The following JAKMIP3 variants were observed in gnomAD, a reference collection of about 807,000 sequenced individuals.
The protein encoded by JAKMIP3 is Janus kinase and microtubule interacting protein 3, also known as janus kinase and microtubule-interacting protein 3.
In JAKMIP3, 58 loss-of-function variants were observed where a neutral mutation model predicts 118.5. The ratio of observed to expected loss-of-function variants is 0.49; its 90% confidence interval spans 0.40 to 0.61. The LOEUF is 0.61. Among genes scored for constraint, JAKMIP3 ranks in the 20% least tolerant of loss-of-function variants. JAKMIP3 has a pLI of 0.00. For missense variants in JAKMIP3, 950 were observed against 1,109.0 expected (o/e 0.86, Z 2.04); for synonymous variants, 486 against 451.2 (o/e 1.08, Z -0.98).
At chr10:132,063,181 C>T (rs578167550), upstream of JAKMIP3, among the ~76,000 whole-genome samples, 11 of 152,240 alleles carry the variant, frequency 7.2e-5, no homozygotes, top group South Asian at 1.5e-3. Context: ...AAGCCAGGGA[C>T]GGGCTGTGGG....
At chr10:132,176,899 G>A (rs898179986) in intron 23 of JAKMIP3, among the ~76,000 whole-genome samples, 6 of 151,994 alleles carry the variant, frequency 3.9e-5, no homozygotes, top group Admixed American at 6.6e-5. Context: ...TGGAATCTTC[G>A]ACTTTGGGAG....
chr10:132,145,235 G>T, intron 12 of JAKMIP3, 45 bp downstream of exon 12: 1 of 1,478,140 alleles, frequency 6.8e-7, no homozygotes, highest in South Asian at 1.2e-5. Context: ...ACACGTGGGT[G>T]GGAGGTATTT....
chr10:132,133,757 A>G (rs1322206947), intron 4 of JAKMIP3, among the ~76,000 whole-genome samples: 2 of 152,180 alleles, frequency 1.3e-5, no homozygotes, highest in African/African-American at 4.8e-5. Context: ...ACATAGCATC[A>G]GCTCTGGCCC....
chr10:132,168,489 C>T lies in JAKMIP3; in HGVS notation c.*559C>T. On this transcript the variant is annotated 3_prime_UTR_variant, in exon 23 of 24. Coordinates refer to ENST00000684848, the MANE Select transcript of JAKMIP3 (RefSeq NM_001323087.2). The stretch of plus-strand genomic sequence containing the variant: ...GGGCTCCCCGACGCCTCAGGGGCCC[C>T]TCCGATGCTGCAATATGTTGCTGGG... 7 of 915,754 alleles carry T rather than the reference C, an allele frequency of 7.6e-6. No homozygotes were observed. The highest frequency in any genetic ancestry group is 1.0e-5 in the Non-Finnish European group (7 of 676,216). The allele number at this position is 915,754 out of a possible 1,614,324, so 56.7% of individuals were successfully genotyped here.
At chr10:132,065,482 C>T (rs2038649277), upstream of JAKMIP3, among the ~76,000 whole-genome samples, 1 of 152,066 alleles carries the variant, frequency 6.6e-6, no homozygotes, top group Admixed American at 6.5e-5. This position sits in a 1 kb window ranked among gnomAD's most constrained non-coding sequence, Gnocchi z 5.6. Context: ...GAAGGGGGTT[C>T]TCCAAGCAGG....
chr10:132,159,665 T>TG (rs1243770967), intron 19 of JAKMIP3, among the ~76,000 whole-genome samples: 1 of 88,524 alleles, frequency 1.1e-5, no homozygotes, highest in Non-Finnish European at 2.2e-5. Context: ...TGTGTGATGC[T>TG]GGGGGGTCCT....
intron 23 of JAKMIP3, among the ~76,000 whole-genome samples, chr10:132,174,477 C>T (rs927376963): frequency 2.6e-5 from 4 of 151,944 alleles, no homozygotes; most frequent in South Asian, 2.1e-4. Flanking sequence ...TGTTCCCGAG[C>T]GGAATCCCCT....
chr10:132,133,361 A>G lies in JAKMIP3; in HGVS notation c.683A>G (p.Glu228Gly), dbSNP rs181241201. Residue 228 changes from glutamate to glycine, a missense_variant, in exon 4 of 24, where the codon GAG (glutamate) becomes GGG (glycine). Transcript: ENST00000684848. ...KDRAVFVLER[E>G]LGVQAGHAQR... ...AGAGCAGTCTTCGTGCTGGAGAGAG[A>G]GTTAGGGGTTCAAGCCGGGCATGCT... 24 of 1,602,294 alleles carry G rather than the reference A, an allele frequency of 1.5e-5. No homozygotes were observed. The East Asian group carries it at 5.4e-4, about 36-fold the overall frequency.
chr10:132,100,759 C>T (rs760838112), intron 1 of JAKMIP3, among the ~76,000 whole-genome samples: 4 of 152,074 alleles, frequency 2.6e-5, no homozygotes, highest in Non-Finnish European at 5.9e-5. Flanking sequence ...GGATGCGAGG[C>T]GAGACTTGAA....
intron 2 of JAKMIP3, among the ~76,000 whole-genome samples, chr10:132,108,978 C>CGCAAATGTATATATAAATTATATAT (rs2046359763): frequency 6.8e-6 from 1 of 147,402 alleles, no homozygotes; most frequent in East Asian, 2.0e-4. Context: ...AAATTATATA[C>CGCAAATGTATATATAAATTATATAT]GCAAATGTAT....
At chr10:132,056,274 G>C (rs1379937891) in intron 1 of JAKMIP3, among the ~76,000 whole-genome samples, 1 of 152,190 alleles carries the variant, frequency 6.6e-6, no homozygotes, top group African/African-American at 2.4e-5. Context: ...CGTGGCCTGT[G>C]GAGGTGATGG....
rs1565018262 is a variant in JAKMIP3 at position 132,180,552 on chromosome 10, TGCATGCGTGTGTGTGC to T, written c.*1104-1803_*1104-1788del. 4.0e-4 allele frequency among the ~76,000 whole-genome samples: 3 copies of T among 7,568 alleles called. 1 individual carries two copies. The highest frequency in any genetic ancestry group is 1.5e-3 in the Admixed American group (1 of 678). The allele number at this position is 7,568 out of a possible 152,430, so 5.0% of individuals were successfully genotyped here. On this transcript the variant is annotated intron_variant, in intron 23 of 23. Coordinates refer to ENST00000684848, the MANE Select transcript of JAKMIP3 (RefSeq NM_001323087.2). ...GTGTGTGTGTGTGTGTGTGCGTGCG[TGCATGCGTGTGTGTGC>T]GTGTGTGTGTGCGTGCGCGTGTGTG...
In JAKMIP3 at chr10:132,180,730, CGTGTGT is replaced by C. The variant is rs1211226738; in HGVS notation, c.*1104-1625_*1104-1620del. ...GTGCGCGTGTGTGTGCGTGTGTGTG[CGTGTGT>C]GCGTGCGTGCGCGCGCGTGTGTGCG... is the stretch of plus-strand genomic sequence containing the variant. On this transcript the variant is annotated intron_variant, in intron 23 of 23. Transcript: ENST00000684848. Among the ~76,000 whole-genome samples, 24 of 8,676 alleles carry C rather than the reference CGTGTGT, an allele frequency of 2.8e-3. 6 individuals are homozygous for C. Among genetic ancestry groups the C allele is most frequent in the South Asian group, 0.013 (4 of 320 alleles). The allele number at this position is 8,676 out of a possible 152,430, so 5.7% of individuals were successfully genotyped here.
chr10:132,113,911 G>T (rs1368847432), intron 2 of JAKMIP3, among the ~76,000 whole-genome samples: 3 of 152,248 alleles, frequency 2.0e-5, no homozygotes, highest in African/African-American at 7.2e-5. Context: ...GTCATAGACA[G>T]CGTTACTGTC....
chr10:132,054,660 GGGGTCACCACTAGATTTCAGACC>G (rs146003652), intron 1 of JAKMIP3, among the ~76,000 whole-genome samples: 2,208 of 152,282 alleles, frequency 0.014, 51 homozygotes, highest in African/African-American at 0.048. Context: ...AAGGGAGGAG[GGGGTCACCACTAGATTTCAGACC>G]GGGCTAACAG....
chr10:132,080,123 T>C (rs1396604593), intron 1 of JAKMIP3, among the ~76,000 whole-genome samples: 1 of 152,230 alleles, frequency 6.6e-6, no homozygotes, highest in Non-Finnish European at 1.5e-5. Flanking sequence ...GAGGCTGCAG[T>C]GAGCTACAGT....
At chr10:132,164,506 G>A (rs2058695673) in intron 20 of JAKMIP3, among the ~76,000 whole-genome samples, 164 bp from the exon 21 acceptor site, 2 of 152,236 alleles carry the variant, frequency 1.3e-5, no homozygotes, top group Non-Finnish European at 2.9e-5. Context: ...TCTCCTGCCA[G>A]AGCAGTGCAG....
rs536410943 is a variant in JAKMIP3 at position 132,116,494 on chromosome 10, G to A, written c.136-583G>A. Among the ~76,000 whole-genome samples the A allele has an allele frequency of 5.8e-5, 8 of 138,498 alleles. No individual in the cohort carries two copies. In the South Asian group the frequency reaches 1.7e-3, roughly 30 times the overall value. The allele number at this position is 138,498 out of a possible 152,430, so 90.9% of individuals were successfully genotyped here. ...GTGCAACGTGGAAGCTCCCCCAAAT[G>A]CACATTCAGGTGTGAGTGTGTGCAT... On this transcript the variant is annotated intron_variant, in intron 2 of 23. Coordinates refer to ENST00000684848, the MANE Select transcript of JAKMIP3 (RefSeq NM_001323087.2).
intron 1 of JAKMIP3, among the ~76,000 whole-genome samples, chr10:132,103,516 G>GT: frequency 7.0e-6 from 1 of 143,256 alleles, no homozygotes; most frequent in African/African-American, 2.7e-5. Context: ...CTTGGTGGGG[G>GT]GAGCCTCTGA....
Sources: allele counts gnomAD v4.1 joint callset (sites outside exome capture counted in the v4.1 genomes callset), GRCh38; gene constraint gnomAD v4.1.1; non-coding constraint Gnocchi (gnomAD v3.1); transcripts MANE v1.5; gene names NCBI Gene and HGNC (gene_info 2026-07-23, HGNC 2026-07-21).